Variants in ZCCHC7 observed in about 807,000 individuals in gnomAD.
The protein encoded by ZCCHC7 is zinc finger CCHC domain-containing protein 7.
A neutral mutation model predicts 52.0 loss-of-function variants in ZCCHC7; 35 were observed. That is an observed-to-expected ratio of 0.67 (90% CI 0.51 to 0.89). ZCCHC7 has a LOEUF of 0.89. Among genes scored for constraint, ZCCHC7 ranks in the 40% least tolerant of loss-of-function variants. The pLI is 0.00. For missense variants in ZCCHC7, 574 were observed against 649.1 expected, an observed-to-expected ratio of 0.88 and a Z score of 1.26; for synonymous variants, 217 against 221.5, an observed-to-expected ratio of 0.98 and a Z score of 0.18.
In ZCCHC7 at chr9:37,249,631, T is replaced by C. The variant is rs535977782; in HGVS notation, c.611-52557T>C. 2.0e-5 allele frequency among the ~76,000 whole-genome samples: 3 copies of C among 152,076 alleles called. No individual in the cohort carries two copies. In the East Asian group the frequency reaches 5.8e-4, roughly 29 times the overall value. On this transcript the variant is annotated intron_variant, in intron 2 of 8. Transcript: ENST00000336755. Reference sequence around the variant, plus strand: ...CACACCCAGCTAATTTTTGTATCTTTAGTAGAGATGGGGTTCACCATGTTG... The same window carrying C: ...CACACCCAGCTAATTTTTGTATCTTCAGTAGAGATGGGGTTCACCATGTTG...
intron 2 of ZCCHC7, among the ~76,000 whole-genome samples, chr9:37,181,095 A>G (rs78825659): frequency 0.051 from 7,715 of 152,194 alleles, 639 homozygotes; most frequent in African/African-American, 0.17. Flanking sequence ...TTTTATTTTA[A>G]CAAATTACTT....
intron 2 of ZCCHC7, among the ~76,000 whole-genome samples, chr9:37,235,007 T>G (rs1005429549): frequency 1.3e-5 from 2 of 152,246 alleles, no homozygotes; most frequent in Non-Finnish European, 2.9e-5. Flanking sequence ...GATGTTTCAA[T>G]ACATGTATAC....
chr9:37,317,275 G>A (rs1452122924), intron 5 of ZCCHC7, among the ~76,000 whole-genome samples: 1 of 152,170 alleles, frequency 6.6e-6, no homozygotes, highest in Non-Finnish European at 1.5e-5. Flanking sequence ...AGAAGATTCT[G>A]AGGAAAAAAG....
At chr9:37,206,379 G>T (rs1490436698) in intron 2 of ZCCHC7, among the ~76,000 whole-genome samples, 1 of 149,690 alleles carries the variant, frequency 6.7e-6, no homozygotes, top group South Asian at 2.1e-4. Flanking sequence ...CTTCGTTTTG[G>T]CAGGGTCTCC....
intron 6 of ZCCHC7, among the ~76,000 whole-genome samples, chr9:37,348,614 G>C (rs1042502886): frequency 2.0e-5 from 3 of 151,948 alleles, no homozygotes; most frequent in Non-Finnish European, 2.9e-5. Context: ...TCCTGACCTC[G>C]TGATCCGCCC....
chr9:37,225,535 T>A (rs987257897), intron 2 of ZCCHC7, among the ~76,000 whole-genome samples: 1 of 152,078 alleles, frequency 6.6e-6, no homozygotes, highest in African/African-American at 2.4e-5. Context: ...ACACAAAAAA[T>A]TATTAACAAA....
At chr9:37,195,062 T>C (rs1039155785) in intron 2 of ZCCHC7, among the ~76,000 whole-genome samples, 3 of 151,092 alleles carry the variant, frequency 2.0e-5, no homozygotes, top group African/African-American at 7.3e-5. Flanking sequence ...TTCTCATGCC[T>C]CAGCCTCCCT....
chr9:37,319,336 C>A (rs1241191014), intron 5 of ZCCHC7, among the ~76,000 whole-genome samples: 1 of 152,068 alleles, frequency 6.6e-6, no homozygotes, highest in East Asian at 1.9e-4. Flanking sequence ...TTCTTATTTT[C>A]TTGACGGTTC....
intron 2 of ZCCHC7, among the ~76,000 whole-genome samples, chr9:37,245,369 A>G (rs913005000): frequency 1.3e-5 from 2 of 152,164 alleles, no homozygotes; most frequent in African/African-American, 4.8e-5. Context: ...AAAGAAAGGA[A>G]TTTCCATTTA....
rs1821784159 is a variant in ZCCHC7 at position 37,357,507 on chromosome 9, C to G, written c.*239C>G. The G allele has an allele frequency of 3.3e-6, 1 of 301,750 alleles. No individual in the cohort carries two copies. The highest frequency in any genetic ancestry group is 6.0e-6 in the Non-Finnish European group (1 of 166,322). The allele number at this position is 301,750 out of a possible 1,614,324, so 18.7% of individuals were successfully genotyped here. A position where few individuals can be genotyped will look rare whatever the true frequency, so the allele number is the denominator to read the frequency against. ...CTGGACTTCTCCTATTCCAATATGT[C>G]ATCTTTACTCAGAATCCTAGGGATA... On this transcript the variant is annotated 3_prime_UTR_variant, in exon 9 of 9. Coordinates refer to ENST00000336755, the MANE Select transcript of ZCCHC7 (RefSeq NM_032226.3).
At chr9:37,320,223 G>A (rs557467602) in intron 5 of ZCCHC7, among the ~76,000 whole-genome samples, 13 of 152,092 alleles carry the variant, frequency 8.5e-5, no homozygotes, top group Middle Eastern at 3.4e-3. Context: ...GATTACAGGC[G>A]CCTACCACCA....
At chr9:37,213,699 A>G (rs188444645) in intron 2 of ZCCHC7, among the ~76,000 whole-genome samples, 1 of 152,276 alleles carries the variant, frequency 6.6e-6, no homozygotes, top group Admixed American at 6.5e-5. Flanking sequence ...GTTGTTGACT[A>G]GTACCAATAT....
intron 5 of ZCCHC7, among the ~76,000 whole-genome samples, chr9:37,314,426 C>A (rs79574865): frequency 0.051 from 7,725 of 152,134 alleles, 643 homozygotes; most frequent in African/African-American, 0.17. Context: ...TATATGCCAC[C>A]CCTTTTTAAA....
At position 37,354,886 on chromosome 9, in the gene ZCCHC7, A is replaced by G; in HGVS notation, c.1198+62A>G. The G allele has an allele frequency of 8.8e-7, 1 of 1,142,786 alleles. No individual in the cohort carries two copies. The highest frequency in any genetic ancestry group is 1.3e-6 in the Non-Finnish European group (1 of 782,302). 70.8% of individuals were successfully genotyped at this position (1,142,786 alleles called of 1,614,324 possible). A position where few individuals can be genotyped will look rare whatever the true frequency, so the allele number is the denominator to read the frequency against. The stretch of plus-strand genomic sequence containing the variant: ...GTAGTTTCTAAATTTCTTTGTTTGT[A>G]CTGTCTTTGCCTGCTTTGGGGGTCA... On this transcript the variant is annotated intron_variant, in intron 8 of 8. Transcript: ENST00000336755. The surrounding 1 kb of genome is among the most constrained non-coding windows in gnomAD (Gnocchi z 4.0).
At chr9:37,349,023 G>A (rs1434765871) in intron 6 of ZCCHC7, among the ~76,000 whole-genome samples, 3 of 152,132 alleles carry the variant, frequency 2.0e-5, no homozygotes, top group Non-Finnish European at 4.4e-5. Context: ...ACATACTACT[G>A]TCACTGTATT....
rs879476492 is a variant in ZCCHC7, at chr9:37,279,416, A to C, written c.611-22772A>C. On this transcript the variant is annotated intron_variant, in intron 2 of 8. Coordinates refer to ENST00000336755, the MANE Select transcript of ZCCHC7 (RefSeq NM_032226.3). Reference sequence around the variant, plus strand: ...AGTTCTTAGAACAGACACTTAAAAAAAAAAGACAAAAAAACATAAGGACAT... The same window carrying C: ...AGTTCTTAGAACAGACACTTAAAAACAAAAGACAAAAAAACATAAGGACAT... 5.9e-5 allele frequency among the ~76,000 whole-genome samples: 9 copies of C among 152,142 alleles called. No homozygotes were observed. The South Asian group carries it at 8.3e-4, about 14-fold the overall frequency.
At position 37,276,288 on chromosome 9, in the gene ZCCHC7, T is replaced by C. The variant is rs999085251; in HGVS notation, c.611-25900T>C. Among the ~76,000 whole-genome samples the C allele has an allele frequency of 2.6e-5, 4 of 152,208 alleles. 1 individual carries two copies. Among genetic ancestry groups the C allele is most frequent in the South Asian group, 4.1e-4 (2 of 4,834 alleles). On this transcript the variant is annotated intron_variant, in intron 2 of 8. Transcript: ENST00000336755. ...GCGTTCTTTATATGTTGGACAGATA[T>C]CTCCTTCCACATTGTGGCTTGCCTT...
Position 37,266,165 on chromosome 9 carries a change from A to G in ZCCHC7, c.611-36023A>G, listed in dbSNP as rs1827098316. 7.9e-5 allele frequency among the ~76,000 whole-genome samples: 12 copies of G among 152,330 alleles called. No individual in the cohort carries two copies. The South Asian group carries it at 2.3e-3, about 29-fold the overall frequency. ...AAATGATTTAACCTACTTCATTTAT[A>G]TAGTTCATCCAAAAAAACAGAATGA... On this transcript the variant is annotated intron_variant, in intron 2 of 8. Coordinates refer to ENST00000336755, the MANE Select transcript of ZCCHC7 (RefSeq NM_032226.3).
intron 2 of ZCCHC7, among the ~76,000 whole-genome samples, chr9:37,131,861 G>A (rs1284166755): frequency 2.6e-5 from 4 of 152,128 alleles, no homozygotes; most frequent in African/African-American, 9.7e-5. Flanking sequence ...CTTCCTCGGT[G>A]CATATAGATA....
Sources: allele counts gnomAD v4.1 joint callset (sites outside exome capture counted in the v4.1 genomes callset), GRCh38; gene constraint gnomAD v4.1.1; non-coding constraint Gnocchi (gnomAD v3.1); transcripts MANE v1.5; gene names NCBI Gene and HGNC (gene_info 2026-07-23, HGNC 2026-07-21).